Variants in SORCS2 observed in about 807,000 individuals in gnomAD.
SORCS2 encodes the protein sortilin related VPS10 domain containing receptor 2.
SORCS2 carries 100 observed loss-of-function variants against 141.6 expected under a neutral mutation model. The observed-to-expected ratio is 0.71, with a 90% CI of 0.60 to 0.83. SORCS2 has a LOEUF of 0.83. SORCS2 is among the 40% of genes least tolerant of loss of function. The pLI is 0.00. For synonymous variants in SORCS2, 789 were observed against 676.9 expected, an observed-to-expected ratio of 1.17 and a Z score of -2.57; for missense variants, 1,646 against 1,560.2, an observed-to-expected ratio of 1.05 and a Z score of -0.93.
chr4:7,418,702 A>ACC (rs67571622), intron 2 of SORCS2, among the ~76,000 whole-genome samples: 16,485 of 92,934 alleles, frequency 0.18, 1,484 homozygotes, highest in East Asian at 0.26. Flanking sequence ...GTAACAAATG[A>ACC]CCCCCCCCCC....
At chr4:7,590,546 C>T (rs1045595669) in intron 3 of SORCS2, among the ~76,000 whole-genome samples, 5 of 152,200 alleles carry the variant, frequency 3.3e-5, no homozygotes, top group African/African-American at 1.2e-4. Context: ...GCAGCATTCT[C>T]ATGTGCTTTG....
intron 8 of SORCS2, among the ~76,000 whole-genome samples, chr4:7,671,941 CT>C (rs34912914): frequency 0.052 from 6,734 of 128,542 alleles, 216 homozygotes; most frequent in African/African-American, 0.15. Context: ...AAGACAGAAA[CT>C]TTTTTTTTTT....
chr4:7,208,802 C>T (rs953739446), intron 1 of SORCS2, among the ~76,000 whole-genome samples: 2 of 152,240 alleles, frequency 1.3e-5, no homozygotes, highest in Admixed American at 6.5e-5. Context: ...CTGCCCCGGG[C>T]CCTGGTCCGA....
intron 2 of SORCS2, among the ~76,000 whole-genome samples, chr4:7,460,590 G>A (rs777778657): frequency 6.6e-6 from 1 of 152,234 alleles, no homozygotes; most frequent in East Asian, 1.9e-4. Flanking sequence ...AGTGGCATCC[G>A]TGTCTGTGGG....
chr4:7,603,845 A>G (rs1277222174), intron 3 of SORCS2, among the ~76,000 whole-genome samples: 1 of 152,176 alleles, frequency 6.6e-6, no homozygotes, highest in Admixed American at 6.5e-5. Context: ...GGGGTCTGGT[A>G]AAGGGAATTC....
intron 1 of SORCS2, among the ~76,000 whole-genome samples, chr4:7,299,535 C>T (rs1471369957): frequency 6.6e-6 from 1 of 152,256 alleles, no homozygotes; most frequent in Non-Finnish European, 1.5e-5. Flanking sequence ...AAAGCACCCA[C>T]ACCTCTAGGA....
At chr4:7,689,417 T>C (rs1577076840) in intron 10 of SORCS2, 69 bp from the exon 11 acceptor site, 16 of 1,459,342 alleles carry the variant, frequency 1.1e-5, no homozygotes, top group Non-Finnish European at 1.4e-5. Context: ...AGATTTGTCA[T>C]CAGGCTTAGT....
intron 14 of SORCS2, among the ~76,000 whole-genome samples, chr4:7,712,241 G>C (rs1213222906): frequency 1.3e-5 from 2 of 152,232 alleles, no homozygotes; most frequent in Non-Finnish European, 2.9e-5. Flanking sequence ...CAAATGCCCT[G>C]TGGCCCAGCG....
intron 1 of SORCS2, among the ~76,000 whole-genome samples, chr4:7,380,045 CA>C (rs1002566225): frequency 2.0e-5 from 3 of 152,160 alleles, no homozygotes; most frequent in Non-Finnish European, 4.4e-5. Flanking sequence ...CACGGGTCAC[CA>C]AAGGTTGCTC....
chr4:7,300,415 T>G lies in SORCS2; in HGVS notation c.481-95873T>G, dbSNP rs542768346. Among the ~76,000 whole-genome samples, 5 of 152,220 alleles carry G rather than the reference T, an allele frequency of 3.3e-5. No individual in the cohort carries two copies. In the South Asian group the frequency reaches 8.3e-4, roughly 25 times the overall value. ...CACCGTGCAGTGATGCAGAGAGGTG[T>G]TCTTTGCCTCTCTAGCTTCTGCACC... is the stretch of plus-strand genomic sequence containing the variant. On this transcript the variant is annotated intron_variant, in intron 1 of 26. Transcript: ENST00000507866.
Position 7,425,542 on chromosome 4 carries a change from G to A in SORCS2, c.548+29187G>A, listed in dbSNP as rs1163992857. On this transcript the variant is annotated intron_variant, in intron 2 of 26. Transcript: ENST00000507866. ...CTAACCCCTCCTGGATTAGAAGCCC[G>A]ACACCTGAGCGGCTCTGCTCCTTTC... 4.6e-5 allele frequency among the ~76,000 whole-genome samples: 7 copies of A among 152,132 alleles called. No individual in the cohort carries two copies. In the South Asian group the frequency reaches 6.2e-4, roughly 14 times the overall value.
Position 7,193,162 on chromosome 4 carries a change from C to T in SORCS2, c.480+36C>T, listed in dbSNP as rs760777649. The T allele has an allele frequency of 1.4e-6, 2 of 1,469,730 alleles. No individual in the cohort carries two copies. The highest frequency in any genetic ancestry group is 2.7e-5 in the South Asian group (2 of 74,330). The allele number at this position is 1,469,730 out of a possible 1,614,324, so 91.0% of individuals were successfully genotyped here. On this transcript the variant is annotated intron_variant, in intron 1 of 26. Transcript: ENST00000507866. The surrounding 1 kb of genome is among the most constrained non-coding windows in gnomAD (Gnocchi z 4.8). ...TCCACGCGCTCGCCGCGGCCCCTAC[C>T]CGGGACACCGCGGGACACCCGGGCG...
intron 2 of SORCS2, among the ~76,000 whole-genome samples, chr4:7,523,741 C>T (rs369769213): frequency 3.9e-5 from 6 of 152,176 alleles, no homozygotes; most frequent in African/African-American, 1.4e-4. Flanking sequence ...CCCCTAGCTG[C>T]GTCCAACACC....
intron 3 of SORCS2, among the ~76,000 whole-genome samples, chr4:7,618,541 G>T (rs970244957): frequency 5.9e-5 from 9 of 152,136 alleles, no homozygotes; most frequent in Non-Finnish European, 1.2e-4. Flanking sequence ...CCCCCAGCAC[G>T]TTCTGCTCGC....
chr4:7,675,909 C>A, intron 8 of SORCS2, 141 bp from the exon 9 acceptor site: 1 of 878,684 alleles, frequency 1.1e-6, no homozygotes. Context: ...AGCAGCCGAG[C>A]CAGGAGGCAA....
chr4:7,274,886 G>C lies in SORCS2; in HGVS notation c.480+81760G>C, dbSNP rs142500167. Among the ~76,000 whole-genome samples the C allele has an allele frequency of 2.0e-4, 31 of 152,276 alleles. No homozygotes were observed. In the East Asian group the frequency reaches 4.8e-3, roughly 24 times the overall value. On this transcript the variant is annotated intron_variant, in intron 1 of 26. Coordinates refer to ENST00000507866, the MANE Select transcript of SORCS2 (RefSeq NM_020777.3). ...GTTCAACACCCTGCTCCCCCATCAC[G>C]TGGTGCTTCCTGGCTCTGACAGCTG... is the stretch of plus-strand genomic sequence containing the variant.
chr4:7,487,568 G>A (rs560825823), intron 2 of SORCS2, among the ~76,000 whole-genome samples: 10 of 152,318 alleles, frequency 6.6e-5, no homozygotes, highest in African/African-American at 1.9e-4. Flanking sequence ...GAGAGAGCGC[G>A]CTGCATGCAC....
chr4:7,434,320 C>T, intron 2 of SORCS2: 2 of 1,611,334 alleles, frequency 1.2e-6, no homozygotes, highest in Non-Finnish European at 1.7e-6. Flanking sequence ...CTGCCGTACA[C>T]AGTCTTGGCA....
chr4:7,710,231 A>C (rs1326726681), intron 14 of SORCS2, among the ~76,000 whole-genome samples: 1 of 152,202 alleles, frequency 6.6e-6, no homozygotes, highest in African/African-American at 2.4e-5. Context: ...TCACAGCTCC[A>C]GAGCCACCAG....
Sources: allele counts gnomAD v4.1 joint callset (sites outside exome capture counted in the v4.1 genomes callset), GRCh38; gene constraint gnomAD v4.1.1; non-coding constraint Gnocchi (gnomAD v3.1); transcripts MANE v1.5; gene names NCBI Gene and HGNC (gene_info 2026-07-23, HGNC 2026-07-21).